NLGN1: variants seen among roughly 807,000 people sequenced by gnomAD.
The protein encoded by NLGN1 is neuroligin-1.
NLGN1 carries 12 observed loss-of-function variants against 65.5 expected under a neutral mutation model. The ratio of observed to expected loss-of-function variants is 0.18; its 90% CI spans 0.12 to 0.30. NLGN1 has a LOEUF of 0.30. Ranked by LOEUF, NLGN1 falls within the 10% of genes least tolerant of loss-of-function variation. The pLI, the probability that NLGN1 is intolerant of heterozygous loss-of-function variation, is 1.00. For missense variants in NLGN1, 750 were observed against 1,007.1 expected, an observed-to-expected ratio of 0.74 and a Z score of 3.46; for synonymous variants, 350 against 359.5, an observed-to-expected ratio of 0.97 and a Z score of 0.30.
chr3:174,168,346 C>A (rs1727913040), intron 4 of NLGN1, among the ~76,000 whole-genome samples: 1 of 152,070 alleles, frequency 6.6e-6, no homozygotes, highest in Admixed American at 6.6e-5. Context: ...GCTGGCACTT[C>A]TAATTTTTGT....
At chr3:173,448,832 T>G (rs1201479407) in intron 2 of NLGN1, among the ~76,000 whole-genome samples, 2 of 152,164 alleles carry the variant, frequency 1.3e-5, no homozygotes, top group African/African-American at 4.8e-5. Flanking sequence ...TCTTCTAGAT[T>G]TTCTAGTTTA....
chr3:173,568,060 ATACAT>A (rs1320291165), intron 2 of NLGN1, among the ~76,000 whole-genome samples: 2 of 152,310 alleles, frequency 1.3e-5, no homozygotes, highest in African/African-American at 4.8e-5. Context: ...AAGCTAACAT[ATACAT>A]TACCTCAAAA....
intron 4 of NLGN1, among the ~76,000 whole-genome samples, chr3:174,077,024 C>T (rs1021227792): frequency 1.3e-5 from 2 of 152,120 alleles, no homozygotes; most frequent in Non-Finnish European, 2.9e-5. Context: ...GAATTCTCTA[C>T]AGCTATTAAT....
intron 4 of NLGN1, among the ~76,000 whole-genome samples, chr3:173,970,413 A>G (rs946915704): frequency 2.6e-5 from 4 of 152,136 alleles, no homozygotes; most frequent in African/African-American, 9.7e-5. Flanking sequence ...AGGAATGGCA[A>G]TTTAAGGAGT....
intron 4 of NLGN1, among the ~76,000 whole-genome samples, chr3:174,159,073 C>T (rs928174720): frequency 1.3e-5 from 2 of 151,648 alleles, no homozygotes; most frequent in Non-Finnish European, 3.0e-5. Flanking sequence ...CCTGAGTCAA[C>T]TCAGGAATAG....
intron 4 of NLGN1, among the ~76,000 whole-genome samples, chr3:174,107,295 A>G (rs1452859154): frequency 6.6e-6 from 1 of 152,036 alleles, no homozygotes; most frequent in Non-Finnish European, 1.5e-5. Context: ...CCTCTCCTAA[A>G]CGTTACCTAT....
chr3:173,558,130 A>T (rs1234751462), intron 2 of NLGN1, among the ~76,000 whole-genome samples: 1 of 149,510 alleles, frequency 6.7e-6, no homozygotes, highest in Non-Finnish European at 1.5e-5. Context: ...CACCTTAAAG[A>T]TACAGTTGCA....
At chr3:174,136,228 A>T (rs1311368987) in intron 4 of NLGN1, among the ~76,000 whole-genome samples, 3 of 152,142 alleles carry the variant, frequency 2.0e-5, no homozygotes, top group African/African-American at 7.2e-5. Flanking sequence ...GTTCACATTA[A>T]TATTAAGAAC....
At chr3:173,836,745 T>C (rs938532187) in intron 4 of NLGN1, among the ~76,000 whole-genome samples, 14 of 152,176 alleles carry the variant, frequency 9.2e-5, no homozygotes, top group Non-Finnish European at 2.1e-4. Context: ...TCACCATCCA[T>C]GTGGCATAAT....
chr3:173,604,568 A>C lies in NLGN1; in HGVS notation c.-31A>C, dbSNP rs751705518. On this transcript the variant is annotated 5_prime_UTR_variant, in exon 3 of 7. Transcript: ENST00000457714. ...GATATAAATACGTTTGCCTCACTGT[A>C]ACCAGACAACTAGACAACTAATGTG... 12 of 1,607,582 alleles carry C rather than the reference A, an allele frequency of 7.5e-6. No individual in the cohort carries two copies. The East Asian group carries it at 1.8e-4, about 24-fold the overall frequency.
intron 4 of NLGN1, among the ~76,000 whole-genome samples, chr3:174,227,145 T>TG (rs1178066304): frequency 6.6e-6 from 1 of 152,160 alleles, no homozygotes; most frequent in East Asian, 1.9e-4. Flanking sequence ...GTACTTAACC[T>TG]GCCAGGTTCA....
At chr3:173,936,397 C>T (rs560897899) in intron 4 of NLGN1, among the ~76,000 whole-genome samples, 39 of 151,956 alleles carry the variant, frequency 2.6e-4, no homozygotes, top group Non-Finnish European at 5.2e-4. Context: ...TTAGAAATTT[C>T]AGGTCAATAA....
At chr3:173,707,851 A>C (rs1768292010) in intron 3 of NLGN1, among the ~76,000 whole-genome samples, 1 of 152,212 alleles carries the variant, frequency 6.6e-6, no homozygotes, top group Non-Finnish European at 1.5e-5. Context: ...GTAGCACTCA[A>C]AAATTACCTC....
intron 4 of NLGN1, among the ~76,000 whole-genome samples, chr3:173,973,866 G>A (rs1054370054): frequency 4.6e-5 from 7 of 151,900 alleles, no homozygotes; most frequent in African/African-American, 1.7e-4. Flanking sequence ...TACTATTTGT[G>A]TTTTTCTGGT....
chr3:173,433,753 T>A (rs1215510021), intron 1 of NLGN1, among the ~76,000 whole-genome samples: 1 of 152,186 alleles, frequency 6.6e-6, no homozygotes, highest in Non-Finnish European at 1.5e-5. Flanking sequence ...ATTGAGCTCT[T>A]CCTAAAACAT....
At chr3:174,167,540 C>T (rs1727724407) in intron 4 of NLGN1, among the ~76,000 whole-genome samples, 1 of 149,772 alleles carries the variant, frequency 6.7e-6, no homozygotes, top group African/African-American at 2.4e-5. Flanking sequence ...AAGGTTTCTG[C>T]TCAGAAGTCT....
chr3:173,422,579 C>T (rs992427326), intron 1 of NLGN1, among the ~76,000 whole-genome samples: 1 of 152,168 alleles, frequency 6.6e-6, no homozygotes, highest in African/African-American at 2.4e-5. Context: ...TACTAATTTA[C>T]ATTCCCATAA....
intron 4 of NLGN1, among the ~76,000 whole-genome samples, chr3:173,917,761 AG>A (rs1436184440): frequency 6.6e-6 from 1 of 152,088 alleles, no homozygotes; most frequent in Non-Finnish European, 1.5e-5. Flanking sequence ...CACCTGATTG[AG>A]AATTCTCATA....
chr3:173,816,105 C>G (rs931970243), intron 4 of NLGN1, among the ~76,000 whole-genome samples: 1 of 149,798 alleles, frequency 6.7e-6, no homozygotes, highest in African/African-American at 2.4e-5. Context: ...ATAATTAAAT[C>G]TATATCTAAT....
Sources: gnomAD v4.1 joint callset for allele counts (sites outside exome capture counted in the v4.1 genomes callset) on GRCh38, gnomAD v4.1.1 for gene constraint, MANE v1.5 for transcripts, NCBI Gene and HGNC (gene_info 2026-07-23, HGNC 2026-07-21) for gene names.